FGF14: variants seen among roughly 807,000 people sequenced by gnomAD.
FGF14 encodes the protein fibroblast growth factor 14, also known as fibroblast growth factor homologous factor 4.
Under a neutral mutation model 25.5 loss-of-function variants are expected in FGF14, and 5 were observed. That is an observed-to-expected ratio of 0.20 (90% CI 0.10 to 0.41). The LOEUF (loss-of-function observed/expected upper bound fraction) is 0.41. FGF14 is among the 10% of genes least tolerant of loss of function. The probability of loss-of-function intolerance (pLI) is 1.00; values close to 1 mark genes in which losing one functional copy is unlikely to be tolerated. For missense variants in FGF14, 222 were observed against 320.1 expected, an observed-to-expected ratio of 0.69 and a Z score of 2.34; for synonymous variants, 138 against 118.3, an observed-to-expected ratio of 1.17 and a Z score of -1.08.
chr13:101,918,477 CAG>C (rs1398761660), upstream of FGF14, among the ~76,000 whole-genome samples: 2 of 152,210 alleles, frequency 1.3e-5, no homozygotes, highest in Non-Finnish European at 2.9e-5. Context: ...CCTTCTTCTC[CAG>C]TGACTGCTTT....
chr13:102,050,039 CGTT>C (rs1170194111), intron 1 of FGF14, among the ~76,000 whole-genome samples: 3 of 152,146 alleles, frequency 2.0e-5, no homozygotes, highest in Admixed American at 2.0e-4. Flanking sequence ...AATACAATGA[CGTT>C]GTTTCAGCAA....
rs1032372551 is a variant in FGF14 at position 102,201,043 on chromosome 13, T to G, written c.208+200428A>C. ...CGTGAACCCGGGAGGCGGAGCTTGC[T>G]TGAGCTGAGATCGCGCCACTGCACT... On this transcript the variant is annotated intron_variant, in intron 1 of 4. Coordinates refer to the FGF14 transcript ENST00000376131. Among the ~76,000 whole-genome samples the G allele has an allele frequency of 7.6e-4, 103 of 136,096 alleles. 2 individuals are homozygous for G. The East Asian group carries it at 0.021, about 27-fold the overall frequency. 89.3% of individuals were successfully genotyped at this position (136,096 alleles called of 152,430 possible).
intron 1 of FGF14, among the ~76,000 whole-genome samples, chr13:102,043,114 A>G (rs1029887333): frequency 2.0e-5 from 3 of 152,246 alleles, no homozygotes; most frequent in African/African-American, 7.2e-5. Flanking sequence ...ATAAAAAGAA[A>G]TAATTAATGT....
chr13:101,935,287 T>G (rs1239563858), intron 1 of FGF14, among the ~76,000 whole-genome samples: 1 of 152,198 alleles, frequency 6.6e-6, no homozygotes, highest in Admixed American at 6.5e-5. Flanking sequence ...GAATCCACTG[T>G]TGAGTCCTCA....
intron 1 of FGF14, among the ~76,000 whole-genome samples, chr13:101,928,898 C>T (rs575831395): frequency 1.1e-3 from 163 of 152,082 alleles, no homozygotes; most frequent in Non-Finnish European, 2.1e-3. Context: ...TGCAGCTATA[C>T]ATACTATTAT....
intron 1 of FGF14, among the ~76,000 whole-genome samples, chr13:101,935,424 T>C (rs2035032943): frequency 6.6e-6 from 1 of 152,314 alleles, no homozygotes; most frequent in African/African-American, 2.4e-5. Flanking sequence ...TCACCTTGAA[T>C]TGCAGTTCCC....
At chr13:101,786,318 A>G (rs936692547) in intron 3 of FGF14, among the ~76,000 whole-genome samples, 1 of 152,148 alleles carries the variant, frequency 6.6e-6, no homozygotes, top group African/African-American at 2.4e-5. Context: ...TTGCTTAGAG[A>G]TTTCTGATGA....
At chr13:102,086,357 C>T (rs1235163715) in intron 1 of FGF14, among the ~76,000 whole-genome samples, 2 of 152,000 alleles carry the variant, frequency 1.3e-5, no homozygotes, top group Non-Finnish European at 2.9e-5. Flanking sequence ...GGTGAAACCC[C>T]GTCTCTACTA....
chr13:101,804,621 CATTTAAATTATCTAG>C (rs938081199), intron 3 of FGF14, among the ~76,000 whole-genome samples: 3 of 152,034 alleles, frequency 2.0e-5, no homozygotes, highest in African/African-American at 7.2e-5. Flanking sequence ...TGGGAAGGCA[CATTTAAATTATCTAG>C]ATTTAAGTTG....
chr13:101,918,582 T>C (rs994948344), upstream of FGF14, among the ~76,000 whole-genome samples: 13 of 152,222 alleles, frequency 8.5e-5, no homozygotes, highest in African/African-American at 3.1e-4. Flanking sequence ...GAATAGGCAG[T>C]AGAGTACTCG....
intron 1 of FGF14, among the ~76,000 whole-genome samples, chr13:101,894,199 T>C (rs2030256534): frequency 6.6e-6 from 1 of 152,168 alleles, no homozygotes; most frequent in Non-Finnish European, 1.5e-5. Flanking sequence ...GGATTGTATC[T>C]ACATTATGAT....
At chr13:102,398,612 C>T (rs1265462539) in intron 1 of FGF14, among the ~76,000 whole-genome samples, 2 of 151,888 alleles carry the variant, frequency 1.3e-5, no homozygotes, top group Non-Finnish European at 2.9e-5. Context: ...TCAATCTGTT[C>T]CTTTTGGCTG....
intron 2 of FGF14, among the ~76,000 whole-genome samples, chr13:101,870,823 C>T (rs1471549345): frequency 5.9e-5 from 9 of 152,032 alleles, no homozygotes; most frequent in Non-Finnish European, 1.3e-4. Context: ...CGTGGTGGGG[C>T]ATGCCTGTAA....
At chr13:102,279,506 T>A (rs1240528267) in intron 1 of FGF14, among the ~76,000 whole-genome samples, 3 of 152,242 alleles carry the variant, frequency 2.0e-5, no homozygotes, top group Non-Finnish European at 4.4e-5. Flanking sequence ...TGATTGTTTT[T>A]AATATATTAT....
intron 1 of FGF14, among the ~76,000 whole-genome samples, chr13:102,047,106 T>TAAATAGTATA (rs1439728336): frequency 6.6e-6 from 1 of 152,150 alleles, no homozygotes; most frequent in Non-Finnish European, 1.5e-5. Flanking sequence ...TAAAACTGAA[T>TAAATAGTATA]AAATAGTATA....
At chr13:102,195,112 C>A (rs72647410) in intron 1 of FGF14, among the ~76,000 whole-genome samples, 169 of 152,044 alleles carry the variant, frequency 1.1e-3, no homozygotes, top group African/African-American at 3.8e-3. Context: ...AAATGCTAAA[C>A]GGAGTTGTTC....
chr13:102,376,043 C>G (rs912299897), intron 1 of FGF14, among the ~76,000 whole-genome samples: 4 of 152,084 alleles, frequency 2.6e-5, no homozygotes, highest in African/African-American at 7.2e-5. Context: ...GTGGCTGGGC[C>G]TATTATTTCA....
At chr13:102,239,662 T>A (rs2051496589) in intron 1 of FGF14, among the ~76,000 whole-genome samples, 1 of 152,190 alleles carries the variant, frequency 6.6e-6, no homozygotes, top group Admixed American at 6.5e-5. Flanking sequence ...TCCCTTTGAT[T>A]TCTGGAGCTC....
chr13:102,338,326 C>T (rs1376751392), intron 1 of FGF14, among the ~76,000 whole-genome samples: 3 of 152,178 alleles, frequency 2.0e-5, no homozygotes, highest in Admixed American at 2.0e-4. Flanking sequence ...CATGCCCCCC[C>T]TTCTGCCCAG....
Sources: gnomAD v4.1 joint callset for allele counts (sites outside exome capture counted in the v4.1 genomes callset) on GRCh38, gnomAD v4.1.1 for gene constraint, MANE v1.5 for transcripts, NCBI Gene and HGNC (gene_info 2026-07-23, HGNC 2026-07-21) for gene names.